CPNE8: variants seen among roughly 807,000 people sequenced by gnomAD.
CPNE8 encodes the protein copine-8.
Under a neutral mutation model 81.5 loss-of-function variants are expected in CPNE8, and 45 were observed. The ratio of observed to expected loss-of-function variants is 0.55; its 90% CI spans 0.44 to 0.71. The LOEUF is 0.71. Among genes scored for constraint, CPNE8 ranks in the 30% least tolerant of loss-of-function variants. The pLI, the probability that CPNE8 is intolerant of heterozygous loss-of-function variation, is 0.00. For synonymous variants in CPNE8, 252 were observed against 226.3 expected, an observed-to-expected ratio of 1.11 and a Z score of -1.02; for missense variants, 594 against 672.1, an observed-to-expected ratio of 0.88 and a Z score of 1.28.
At chr12:38,820,900 A>G (rs1329197990) in intron 6 of CPNE8, among the ~76,000 whole-genome samples, 1 of 152,176 alleles carries the variant, frequency 6.6e-6, no homozygotes, top group Non-Finnish European at 1.5e-5. Flanking sequence ...CCACTGTCTC[A>G]TGAAAGAAAC....
intron 3 of CPNE8, among the ~76,000 whole-genome samples, chr12:38,857,689 G>A (rs1411062682): frequency 6.6e-6 from 1 of 152,156 alleles, no homozygotes; most frequent in Admixed American, 6.5e-5. Context: ...AGGGTGGGTG[G>A]ATCACGAGGT....
At chr12:38,689,744 T>G (rs1325607832) in intron 15 of CPNE8, among the ~76,000 whole-genome samples, 1 of 152,216 alleles carries the variant, frequency 6.6e-6, no homozygotes, top group Non-Finnish European at 1.5e-5. Context: ...GTAGCGTTTC[T>G]CTATTGGTCC....
chr12:38,827,039 G>A (rs538278991), intron 6 of CPNE8, among the ~76,000 whole-genome samples: 1 of 150,478 alleles, frequency 6.6e-6, no homozygotes, highest in African/African-American at 2.4e-5. Context: ...AAAATTAGCA[G>A]GGTGCCACAC....
intron 19 of CPNE8, among the ~76,000 whole-genome samples, chr12:38,662,200 A>T (rs541645414): frequency 6.6e-6 from 1 of 152,316 alleles, no homozygotes; most frequent in South Asian, 2.1e-4. Context: ...CAAATTGGAA[A>T]GCAAGAGATT....
rs1452332472 is a variant in CPNE8, at chr12:38,710,302, G to C, written c.915-7381C>G. Among the ~76,000 whole-genome samples the C allele has an allele frequency of 9.0e-5, 8 of 88,684 alleles. No individual in the cohort carries two copies. The South Asian group carries it at 3.4e-3, about 38-fold the overall frequency. The allele number at this position is 88,684 out of a possible 152,430, so 58.2% of individuals were successfully genotyped here. On this transcript the variant is annotated intron_variant, in intron 13 of 19. Coordinates refer to ENST00000331366, the MANE Select transcript of CPNE8 (RefSeq NM_153634.3). Reference sequence around the variant, plus strand: ...AAAAAAAAAAAACCAACCCCAAACCGAAACTGTAAGCACTATCCATCAAAA... The same window carrying C: ...AAAAAAAAAAAACCAACCCCAAACCCAAACTGTAAGCACTATCCATCAAAA...
At chr12:38,710,278 A>AAAAAC (rs1940219984) in intron 13 of CPNE8, among the ~76,000 whole-genome samples, 1 of 148,822 alleles carries the variant, frequency 6.7e-6, no homozygotes, top group South Asian at 2.1e-4. Context: ...CAAAAAAAAA[A>AAAAAC]AAAAAAAAAA....
rs149394853 is a variant in CPNE8 at position 38,765,440 on chromosome 12, G to A, written c.575+2195C>T. ...AATAAATGTCAAAGCAAGAACATGA[G>A]TATAAGATCATAAGTATGAAGGCTT... On this transcript the variant is annotated intron_variant, in intron 8 of 19. Coordinates refer to ENST00000331366, the MANE Select transcript of CPNE8 (RefSeq NM_153634.3). Among the ~76,000 whole-genome samples the A allele has an allele frequency of 3.0e-3, 455 of 152,090 alleles. 5 individuals carry two copies. The highest frequency in any genetic ancestry group is 9.8e-3 in the African/African-American group (406 of 41,438).
chr12:38,857,043 G>C (rs1160209614), intron 3 of CPNE8, among the ~76,000 whole-genome samples: 1 of 151,668 alleles, frequency 6.6e-6, no homozygotes, highest in East Asian at 1.9e-4. Context: ...TAATAGAGAT[G>C]TTTACCTTAA....
At chr12:38,847,297 A>C (rs900275263) in intron 4 of CPNE8, among the ~76,000 whole-genome samples, 3 of 152,294 alleles carry the variant, frequency 2.0e-5, no homozygotes, top group Non-Finnish European at 4.4e-5. Flanking sequence ...ACATAAAGTT[A>C]AGTCTGGGAT....
intron 1 of CPNE8, among the ~76,000 whole-genome samples, chr12:38,879,303 A>G (rs374324508): frequency 4.6e-5 from 7 of 150,802 alleles, no homozygotes; most frequent in African/African-American, 1.5e-4. Flanking sequence ...GGCTTTACAG[A>G]GAGTCTCTGT....
At chr12:38,875,259 T>G (rs967477540) in intron 1 of CPNE8, among the ~76,000 whole-genome samples, 1 of 152,136 alleles carries the variant, frequency 6.6e-6, no homozygotes, top group African/African-American at 2.4e-5. Flanking sequence ...CCCTGAGTAC[T>G]CATTAAAAAG....
intron 6 of CPNE8, among the ~76,000 whole-genome samples, chr12:38,820,670 G>A (rs1336297631): frequency 6.6e-6 from 1 of 152,128 alleles, no homozygotes; most frequent in African/African-American, 2.4e-5. Flanking sequence ...CTTATCACTT[G>A]TTTCCTTCAG....
At chr12:38,710,277 A>AAAAC (rs1555145914) in intron 13 of CPNE8, among the ~76,000 whole-genome samples, 1 of 148,702 alleles carries the variant, frequency 6.7e-6, no homozygotes, top group Non-Finnish European at 1.5e-5. Context: ...ACAAAAAAAA[A>AAAAC]AAAAAAAAAA....
At chr12:38,784,750 A>T (rs1393898119) in intron 6 of CPNE8, among the ~76,000 whole-genome samples, 1 of 152,146 alleles carries the variant, frequency 6.6e-6, no homozygotes, top group Admixed American at 6.6e-5. Context: ...GAAAAAAAAA[A>T]CTTTTTACCC....
intron 1 of CPNE8, among the ~76,000 whole-genome samples, chr12:38,877,775 T>G (rs1944088056): frequency 6.6e-6 from 1 of 152,126 alleles, no homozygotes; most frequent in Admixed American, 6.5e-5. Context: ...AATTCTAACC[T>G]GTAGGAAGAA....
chr12:38,681,530 T>G (rs1485872745), intron 16 of CPNE8, among the ~76,000 whole-genome samples: 1 of 152,174 alleles, frequency 6.6e-6, no homozygotes, highest in Non-Finnish European at 1.5e-5. Flanking sequence ...TGCTTATGTG[T>G]CAACTAGACT....
chr12:38,663,178 TAATC>T (rs1039298965), intron 19 of CPNE8, among the ~76,000 whole-genome samples: 3 of 151,976 alleles, frequency 2.0e-5, no homozygotes, highest in African/African-American at 7.2e-5. Context: ...GCAAAGGAAG[TAATC>T]AAGAGAGTGA....
chr12:38,729,890 G>A (rs967847377), intron 11 of CPNE8, among the ~76,000 whole-genome samples: 10 of 152,008 alleles, frequency 6.6e-5, no homozygotes, highest in African/African-American at 2.4e-4. Flanking sequence ...GGTAGTGAAG[G>A]TGCTCAGATA....
intron 10 of CPNE8, among the ~76,000 whole-genome samples, chr12:38,734,910 C>T (rs1031315498): frequency 2.6e-5 from 4 of 152,042 alleles, no homozygotes; most frequent in African/African-American, 9.7e-5. Context: ...ACGCATGTGG[C>T]TTGTGTTGTT....
Sources: gnomAD v4.1 joint callset for allele counts (sites outside exome capture counted in the v4.1 genomes callset) on GRCh38, gnomAD v4.1.1 for gene constraint, MANE v1.5 for transcripts, NCBI Gene and HGNC (gene_info 2026-07-23, HGNC 2026-07-21) for gene names.